The following DCAF5 variants were observed in gnomAD, a reference collection of about 807,000 sequenced individuals.
DCAF5 encodes DDB1- and CUL4-associated factor 5.
Under a neutral mutation model 80.7 loss-of-function variants are expected in DCAF5, and 9 were observed. The observed-to-expected ratio is 0.11, with a 90% CI of 0.07 to 0.19. The LOEUF is 0.19. DCAF5 is among the 10% of genes least tolerant of loss of function. The probability of loss-of-function intolerance (pLI) is 1.00; values close to 1 mark genes in which losing one functional copy is unlikely to be tolerated. For synonymous variants in DCAF5, 433 were observed against 461.9 expected (o/e 0.94, Z 0.80); for missense variants, 842 against 1,205.7 (o/e 0.70, Z 4.47).
intron 4 of DCAF5, among the ~76,000 whole-genome samples, chr14:69,117,676 G>A (rs1004916788): frequency 7.2e-5 from 11 of 152,168 alleles, no homozygotes; most frequent in Admixed American, 3.3e-4. Context: ...CACATTCAGA[G>A]GAGGCACTCA....
intron 2 of DCAF5, among the ~76,000 whole-genome samples, 162 bp downstream of exon 2, chr14:69,122,055 T>C (rs1170488937): frequency 2.0e-5 from 3 of 152,134 alleles, no homozygotes; most frequent in Non-Finnish European, 2.9e-5. Context: ...CACACTATCC[T>C]AATATATAAT....
intron 7 of DCAF5, among the ~76,000 whole-genome samples, chr14:69,071,999 T>C (rs143374922): frequency 6.0e-4 from 91 of 152,300 alleles, no homozygotes; most frequent in Non-Finnish European, 1.2e-3. Context: ...GGGTTGCCAA[T>C]TGACATTGAC....
At chr14:69,112,141 T>A (rs1002988870) in intron 5 of DCAF5, among the ~76,000 whole-genome samples, 1 of 152,218 alleles carries the variant, frequency 6.6e-6, no homozygotes, top group African/African-American at 2.4e-5. Context: ...CCAAAATATC[T>A]CTGTGGGTTG....
chr14:69,060,006 T>A (rs983832376), intron 8 of DCAF5, among the ~76,000 whole-genome samples: 4 of 152,014 alleles, frequency 2.6e-5, no homozygotes, highest in Admixed American at 6.6e-5. Context: ...AATAGGGAGA[T>A]TTATCACAGA....
intron 1 of DCAF5, among the ~76,000 whole-genome samples, chr14:69,124,486 T>C (rs894168856): frequency 6.6e-6 from 1 of 152,238 alleles, no homozygotes; most frequent in African/African-American, 2.4e-5. Flanking sequence ...CTACTTGAAT[T>C]CCTTTGTTTC....
intron 1 of DCAF5, among the ~76,000 whole-genome samples, chr14:69,129,771 G>A (rs954598359): frequency 1.6e-4 from 24 of 152,172 alleles, no homozygotes; most frequent in Non-Finnish European, 5.9e-5. Flanking sequence ...TGGAGCACAG[G>A]GACTTCTCGG....
intron 8 of DCAF5, among the ~76,000 whole-genome samples, chr14:69,060,619 C>T (rs1027684272): frequency 3.3e-5 from 5 of 152,080 alleles, no homozygotes; most frequent in African/African-American, 9.7e-5. Flanking sequence ...ACAACCTCCG[C>T]GTCCTGGGTT....
At chr14:69,136,845 C>A (rs1409283331) in intron 1 of DCAF5, among the ~76,000 whole-genome samples, 1 of 151,868 alleles carries the variant, frequency 6.6e-6, no homozygotes, top group African/African-American at 2.4e-5. Context: ...GGTGGAGAAA[C>A]CCTGCTTTAA....
chr14:69,087,605 G>A (rs1280384376), intron 6 of DCAF5, among the ~76,000 whole-genome samples: 1 of 152,130 alleles, frequency 6.6e-6, no homozygotes, highest in Non-Finnish European at 1.5e-5. Flanking sequence ...ATACTAGAAA[G>A]AAACAAACTA....
intron 5 of DCAF5, among the ~76,000 whole-genome samples, chr14:69,105,428 G>A (rs2040102727): frequency 6.6e-6 from 1 of 152,182 alleles, no homozygotes; most frequent in Non-Finnish European, 1.5e-5. Flanking sequence ...AATATTAGGT[G>A]TCAACTTGAC....
intron 5 of DCAF5, among the ~76,000 whole-genome samples, chr14:69,116,066 G>A (rs2040535817): frequency 6.6e-6 from 1 of 151,830 alleles, no homozygotes. Flanking sequence ...GGGAACCCTG[G>A]GTCTGAAGAG....
chr14:69,074,213 T>C (rs2038812773), intron 7 of DCAF5, among the ~76,000 whole-genome samples: 1 of 152,248 alleles, frequency 6.6e-6, no homozygotes, highest in South Asian at 2.1e-4. Flanking sequence ...ATACTTGGCA[T>C]AGTCCTCTAA....
intron 5 of DCAF5, among the ~76,000 whole-genome samples, chr14:69,102,107 CTTTT>C (rs141874345): frequency 3.0e-5 from 4 of 133,020 alleles, no homozygotes; most frequent in African/African-American, 8.3e-5. Flanking sequence ...TTTACTATAA[CTTTT>C]TTTTTTTTTT....
At chr14:69,093,231 A>G (rs186652015) in intron 5 of DCAF5, among the ~76,000 whole-genome samples, 399 of 152,340 alleles carry the variant, frequency 2.6e-3, no homozygotes, top group Middle Eastern at 0.01. Context: ...TACTGGCAGG[A>G]AAGTGAAGTA....
intron 5 of DCAF5, among the ~76,000 whole-genome samples, chr14:69,096,381 A>G (rs2039716340): frequency 1.3e-5 from 2 of 152,224 alleles, no homozygotes; most frequent in Admixed American, 6.5e-5. Context: ...ATTCACTGCC[A>G]CATTTCTCTG....
chr14:69,091,015 A>G (rs776854768), intron 6 of DCAF5: 2 of 709,018 alleles, frequency 2.8e-6, no homozygotes, highest in South Asian at 2.9e-5. Context: ...CAGAACTTCT[A>G]TGGTTAAGAC....
Position 69,093,930 on chromosome 14 carries a change from C to T in DCAF5, c.666-2043G>A, listed in dbSNP as rs542172167. Among the ~76,000 whole-genome samples the T allele has an allele frequency of 3.3e-5, 5 of 152,308 alleles. No individual in the cohort carries two copies. In the South Asian group the frequency reaches 8.3e-4, roughly 25 times the overall value. On this transcript the variant is annotated intron_variant, in intron 5 of 8. Transcript: ENST00000341516. The stretch of plus-strand genomic sequence containing the variant: ...AATGGTCCTAAACACAGGCCACACT[C>T]TCTTGCATACAGAAAATGAATGACA...
chr14:69,140,485 G>A (rs1007024133), intron 1 of DCAF5, among the ~76,000 whole-genome samples: 1 of 152,004 alleles, frequency 6.6e-6, no homozygotes, highest in African/African-American at 2.4e-5. Context: ...TTTTACAGAT[G>A]ACTGTAACAT....
chr14:69,113,804 T>C (rs910492753), intron 5 of DCAF5, among the ~76,000 whole-genome samples: 15 of 152,174 alleles, frequency 9.9e-5, no homozygotes, highest in East Asian at 3.9e-4. Context: ...TCCAAGGATA[T>C]TTCATCCCCC....
Sources: gnomAD v4.1 joint callset for allele counts (sites outside exome capture counted in the v4.1 genomes callset) on GRCh38, gnomAD v4.1.1 for gene constraint, MANE v1.5 for transcripts, NCBI Gene and HGNC (gene_info 2026-07-23, HGNC 2026-07-21) for gene names.